B3GAT2: variants seen among roughly 807,000 people sequenced by gnomAD.
B3GAT2 encodes galactosylgalactosylxylosylprotein 3-beta-glucuronosyltransferase 2.
A neutral mutation model predicts 27.8 loss-of-function variants in B3GAT2; 26 were observed. The ratio of observed to expected loss-of-function variants is 0.93; its 90% confidence interval spans 0.68 to 1.30. The LOEUF is 1.30. Ranked by LOEUF, B3GAT2 falls within the 50% of genes most tolerant of loss-of-function variation. The pLI, the probability that B3GAT2 is intolerant of heterozygous loss-of-function variation, is 0.00. For synonymous variants in B3GAT2, 218 were observed against 195.1 expected (o/e 1.12, Z -0.98); for missense variants, 458 against 459.0 (o/e 1.00, Z 0.02).
chr6:70,860,622 TA>T lies in B3GAT2; in HGVS notation c.*1040del. The stretch of plus-strand genomic sequence containing the variant: ...CTTGCAAAATCAGTTTTCCTCTCAA[TA>T]AAATTATAGCTCTAATGTTTGCATA... On this transcript the variant is annotated 3_prime_UTR_variant, in exon 4 of 4. Coordinates refer to ENST00000230053, the MANE Select transcript of B3GAT2 (RefSeq NM_080742.3). The T allele has an allele frequency of 2.3e-6, 1 of 431,518 alleles. No individual in the cohort carries two copies. The highest frequency in any genetic ancestry group is 4.1e-6 in the Non-Finnish European group (1 of 246,284). 26.7% of individuals were successfully genotyped at this position (431,518 alleles called of 1,614,324 possible). A position where few individuals can be genotyped will look rare whatever the true frequency, so the allele number is the denominator to read the frequency against.
chr6:70,945,302 G>C (rs917505906), intron 1 of B3GAT2, among the ~76,000 whole-genome samples: 60 of 152,178 alleles, frequency 3.9e-4, no homozygotes, highest in African/African-American at 1.4e-3. Context: ...TCAAGCCAAA[G>C]GCAAAGAAGT....
chr6:70,864,296 T>C (rs533867641), intron 2 of B3GAT2, among the ~76,000 whole-genome samples: 2 of 152,210 alleles, frequency 1.3e-5, no homozygotes, highest in East Asian at 1.9e-4. Context: ...TCACGACCAC[T>C]GAAGGATTCA....
At position 70,951,579 on chromosome 6, in the gene B3GAT2, C is replaced by T. The variant is rs570797332; in HGVS notation, c.591+4260G>A. Among the ~76,000 whole-genome samples, 44 of 152,244 alleles carry T rather than the reference C, an allele frequency of 2.9e-4. No homozygotes were observed. The South Asian group carries it at 8.7e-3, about 30-fold the overall frequency. The stretch of plus-strand genomic sequence containing the variant: ...CAATAGGAAGAGGCAGAAGGGAGAA[C>T]ATCTTTAGGCCCAAATTGTTATTTC... On this transcript the variant is annotated intron_variant, in intron 1 of 3. Coordinates refer to ENST00000230053, the MANE Select transcript of B3GAT2 (RefSeq NM_080742.3).
chr6:70,875,595 G>A (rs1360850289), intron 2 of B3GAT2, among the ~76,000 whole-genome samples: 1 of 152,070 alleles, frequency 6.6e-6, no homozygotes, highest in Non-Finnish European at 1.5e-5. Context: ...CAGAACCATA[G>A]CTTCCCGCAT....
Position 70,858,361 on chromosome 6 carries a change from A to T in B3GAT2, c.*3302T>A. ...AAGAATTCAATAGGGATAATATGTTATAGGGTCAAAAGTATCTATAAATAT... is the reference window on the plus strand; with the variant it reads ...AAGAATTCAATAGGGATAATATGTTTTAGGGTCAAAAGTATCTATAAATAT... On this transcript the variant is annotated 3_prime_UTR_variant, in exon 4 of 4. Coordinates refer to ENST00000230053, the MANE Select transcript of B3GAT2 (RefSeq NM_080742.3). The T allele has an allele frequency of 2.8e-6, 2 of 723,128 alleles. No homozygotes were observed. The highest frequency in any genetic ancestry group is 2.1e-6 in the Non-Finnish European group (1 of 486,912). The allele number at this position is 723,128 out of a possible 1,614,324, so 44.8% of individuals were successfully genotyped here.
intron 2 of B3GAT2, among the ~76,000 whole-genome samples, chr6:70,884,288 A>C (rs1562217971): frequency 6.6e-6 from 1 of 152,150 alleles, no homozygotes. Flanking sequence ...TCTGGAGTAT[A>C]CAGCTCGGCA....
At chr6:70,912,987 T>G (rs1384015217) in intron 1 of B3GAT2, among the ~76,000 whole-genome samples, 1 of 152,138 alleles carries the variant, frequency 6.6e-6, no homozygotes, top group African/African-American at 2.4e-5. Flanking sequence ...TTTAAGGTTT[T>G]TTATATTTCT....
chr6:70,871,230 T>TTTTTTTTTTTTTTTTTTTTG (rs1771931511), intron 2 of B3GAT2, among the ~76,000 whole-genome samples: 1 of 149,052 alleles, frequency 6.7e-6, no homozygotes, highest in African/African-American at 2.4e-5. Flanking sequence ...TTGTTTTTTT[T>TTTTTTTTTTTTTTTTTTTTG]TTTTCTTCGT....
intron 2 of B3GAT2, among the ~76,000 whole-genome samples, chr6:70,887,688 G>A (rs35849457): frequency 6.6e-6 from 1 of 152,034 alleles, no homozygotes; most frequent in Non-Finnish European, 1.5e-5. Flanking sequence ...AGAGGTATGG[G>A]AGGCTGAGAG....
chr6:70,950,900 A>C (rs1037318547), intron 1 of B3GAT2, among the ~76,000 whole-genome samples: 3 of 152,208 alleles, frequency 2.0e-5, no homozygotes, highest in African/African-American at 7.2e-5. Flanking sequence ...ATAGGGTATT[A>C]ACATTTATTT....
intron 1 of B3GAT2, among the ~76,000 whole-genome samples, chr6:70,925,935 G>A (rs1772948950): frequency 2.6e-5 from 4 of 152,192 alleles, no homozygotes; most frequent in Non-Finnish European, 4.4e-5. Context: ...GTGCCCCTCT[G>A]AGATGAAGGT....
chr6:70,945,443 T>C (rs368092368), intron 1 of B3GAT2, among the ~76,000 whole-genome samples: 136 of 151,830 alleles, frequency 9.0e-4, no homozygotes, highest in African/African-American at 3.1e-3. Context: ...CCTCAGGAGC[T>C]GATGCGATCA....
chr6:70,954,917 G>GGGGT lies in B3GAT2; in HGVS notation c.591+921_591+922insACCC, dbSNP rs1554218598. Among the ~76,000 whole-genome samples the GGGGT allele has an allele frequency of 4.6e-5, 7 of 151,394 alleles. 2 individuals carry two copies. The highest frequency in any genetic ancestry group is 4.0e-4 in the Admixed American group (6 of 15,188). On this transcript the variant is annotated intron_variant, in intron 1 of 3. Coordinates refer to ENST00000230053, the MANE Select transcript of B3GAT2 (RefSeq NM_080742.3). ...AACCCTGTGCCTGCCGGGGGCGGCG[G>GGGGT]GGGGGGGCGGTGCGCGCGTGGCCAT... is the stretch of plus-strand genomic sequence containing the variant.
In B3GAT2 at chr6:70,858,033, A is replaced by G; in HGVS notation, c.*3630T>C. The G allele has an allele frequency of 6.2e-7, 1 of 1,614,096 alleles. No individual in the cohort carries two copies. The highest frequency in any genetic ancestry group is 1.7e-5 in the Admixed American group (1 of 60,018). On this transcript the variant is annotated 3_prime_UTR_variant, in exon 4 of 4. Coordinates refer to ENST00000230053, the MANE Select transcript of B3GAT2 (RefSeq NM_080742.3). ...CCTGCAGCTCCTGGCCTTATAGGAA[A>G]TGTGATGGGACAGAGTCCAAGCATG...
At position 70,885,645 on chromosome 6, in the gene B3GAT2, G is replaced by A. The variant is rs74983678; in HGVS notation, c.736+8483C>T. ...AGTTCAAATGTTCTTAAATACTACC[G>A]TTAAGAGTGATCTCACAAAGCTACA... On this transcript the variant is annotated intron_variant, in intron 2 of 3. Transcript: ENST00000230053. 2.3e-3 allele frequency among the ~76,000 whole-genome samples: 348 copies of A among 152,204 alleles called. 3 individuals carry two copies. In the East Asian group the frequency reaches 0.031, roughly 13 times the overall value.
At chr6:70,906,820 T>A (rs190682617) in intron 1 of B3GAT2, among the ~76,000 whole-genome samples, 3 of 152,254 alleles carry the variant, frequency 2.0e-5, no homozygotes, top group African/African-American at 7.2e-5. Flanking sequence ...CATCTAATAC[T>A]GCTTGAAAAA....
intron 1 of B3GAT2, among the ~76,000 whole-genome samples, chr6:70,915,191 G>T (rs1039253137): frequency 6.6e-6 from 1 of 152,092 alleles, no homozygotes; most frequent in Admixed American, 6.6e-5. Context: ...TCTGTTGGCT[G>T]CATAACTGTC....
intron 1 of B3GAT2, among the ~76,000 whole-genome samples, chr6:70,922,368 C>T (rs1772884191): frequency 6.6e-6 from 1 of 152,112 alleles, no homozygotes. Context: ...AAATATAGAA[C>T]ACTGTATCCA....
At chr6:70,942,695 T>A (rs977040452) in intron 1 of B3GAT2, among the ~76,000 whole-genome samples, 6 of 152,164 alleles carry the variant, frequency 3.9e-5, no homozygotes, top group Non-Finnish European at 1.5e-5. Flanking sequence ...CTGACTTAAT[T>A]AAGCACAGTG....
Sources: gnomAD v4.1 joint callset for allele counts (sites outside exome capture counted in the v4.1 genomes callset) on GRCh38, gnomAD v4.1.1 for gene constraint, MANE v1.5 for transcripts, NCBI Gene and HGNC (gene_info 2026-07-23, HGNC 2026-07-21) for gene names.